MLLT3: variants seen among roughly 807,000 people sequenced by gnomAD.
MLLT3 encodes protein AF-9.
Under a neutral mutation model 53.2 loss-of-function variants are expected in MLLT3, and 4 were observed. The observed-to-expected ratio is 0.08, with a 90% CI of 0.04 to 0.17. The LOEUF is 0.17. Among genes scored for constraint, MLLT3 ranks in the 10% least tolerant of loss-of-function variants. The probability of loss-of-function intolerance (pLI) is 1.00; values close to 1 mark genes in which losing one functional copy is unlikely to be tolerated. For missense variants in MLLT3, 569 were observed against 684.0 expected (o/e 0.83, Z 1.87); for synonymous variants, 283 against 230.6 (o/e 1.23, Z -2.06).
chr9:20,417,229 G>T lies in MLLT3; in HGVS notation c.421-2804C>A, dbSNP rs554502064. Reference sequence around the variant, plus strand: ...TATATATATGGGGGTCTTGTCACCAGTCTCCATGTTTGTACATGTAATAAA... The same window carrying T: ...TATATATATGGGGGTCTTGTCACCATTCTCCATGTTTGTACATGTAATAAA... On this transcript the variant is annotated intron_variant, in intron 4 of 10. Transcript: ENST00000380338. 5.5e-3 allele frequency among the ~76,000 whole-genome samples: 813 copies of T among 146,508 alleles called. 12 individuals carry two copies. Among genetic ancestry groups the T allele is most frequent in the African/African-American group, 0.019 (779 of 40,240 alleles).
chr9:20,381,395 A>G lies in MLLT3; in HGVS notation c.1126-15651T>C, dbSNP rs1485292461. Reference sequence around the variant, plus strand: ...CGCTTTCCGATATTCCAAATATAAAACTCCATAACTGTTATATTTCTCTAG... The same window carrying G: ...CGCTTTCCGATATTCCAAATATAAAGCTCCATAACTGTTATATTTCTCTAG... On this transcript the variant is annotated intron_variant, in intron 5 of 10. Coordinates refer to ENST00000380338, the MANE Select transcript of MLLT3 (RefSeq NM_004529.4). 3.3e-5 allele frequency among the ~76,000 whole-genome samples: 5 copies of G among 151,864 alleles called. No individual in the cohort carries two copies. The East Asian group carries it at 9.6e-4, about 29-fold the overall frequency.
chr9:20,344,698 A>C lies in MLLT3; in HGVS notation c.*1745T>G, dbSNP rs762695410. ...TTTAAAGGAAAAATAGTTTCTTTGG[A>C]TAGAAAGAAACAGTGTAAAAAATCC... On this transcript the variant is annotated 3_prime_UTR_variant, in exon 11 of 11. Transcript: ENST00000380338. 4.8e-6 allele frequency: 1 copy of C among 206,742 alleles called. No homozygotes were observed. Among genetic ancestry groups the C allele is most frequent in the Non-Finnish European group, 9.9e-6 (1 of 101,218 alleles). The allele number at this position is 206,742 out of a possible 1,614,324, so 12.8% of individuals were successfully genotyped here.
chr9:20,405,632 C>A (rs10964552), intron 5 of MLLT3, among the ~76,000 whole-genome samples: 26,433 of 152,142 alleles, frequency 0.17, 2,412 homozygotes, highest in African/African-American at 0.21. Context: ...GAGTCCCACA[C>A]AGGTCTACCA....
At chr9:20,442,101 A>G (rs78598720) in intron 4 of MLLT3, among the ~76,000 whole-genome samples, 187 of 152,292 alleles carry the variant, frequency 1.2e-3, no homozygotes, top group African/African-American at 4.4e-3. Flanking sequence ...TGGTCTTTGA[A>G]AGGAAATGAA....
intron 2 of MLLT3, among the ~76,000 whole-genome samples, chr9:20,529,839 A>G (rs1363557699): frequency 6.7e-6 from 1 of 149,180 alleles, no homozygotes; most frequent in Non-Finnish European, 1.5e-5. Flanking sequence ...CAAAGCTGAC[A>G]GGCATGAGCC....
At chr9:20,348,827 T>C (rs552273775) in intron 10 of MLLT3, among the ~76,000 whole-genome samples, 87 of 152,312 alleles carry the variant, frequency 5.7e-4, no homozygotes, top group Admixed American at 2.6e-3. Context: ...TCCACACATA[T>C]CCACACACAT....
In MLLT3 at chr9:20,621,880, G is replaced by C; in HGVS notation, c.12+365C>G. On this transcript the variant is annotated intron_variant, in intron 1 of 10. Transcript: ENST00000380338. The surrounding 1 kb of genome is among the most constrained non-coding windows in gnomAD (Gnocchi z 7.0). ...GCGGCGGCGGCTGAAATATGGCTGA[G>C]TTATTATTCGCCTCCTTCCACCGTG... is the stretch of plus-strand genomic sequence containing the variant. 1 of 1,369,754 alleles carries C rather than the reference G, an allele frequency of 7.3e-7. No individual in the cohort carries two copies. The highest frequency in any genetic ancestry group is 9.3e-7 in the Non-Finnish European group (1 of 1,069,744). The allele number at this position is 1,369,754 out of a possible 1,614,324, so 84.9% of individuals were successfully genotyped here.
intron 2 of MLLT3, among the ~76,000 whole-genome samples, chr9:20,501,728 G>T (rs953832513): frequency 2.0e-4 from 29 of 143,956 alleles, no homozygotes; most frequent in Admixed American, 2.9e-4. Context: ...TCCGCAGTCC[G>T]GCCTGGGCGA....
At chr9:20,458,196 A>C (rs895468484) in intron 2 of MLLT3, among the ~76,000 whole-genome samples, 5 of 152,172 alleles carry the variant, frequency 3.3e-5, no homozygotes, top group African/African-American at 9.6e-5. Flanking sequence ...TATCCTCCCA[A>C]AAAGTTAACT....
At chr9:20,531,876 T>C (rs1818347033) in intron 2 of MLLT3, among the ~76,000 whole-genome samples, 1 of 152,150 alleles carries the variant, frequency 6.6e-6, no homozygotes. Flanking sequence ...CAGGAATAAA[T>C]ATTTGTTATT....
chr9:20,606,515 A>C (rs902401717), intron 2 of MLLT3, among the ~76,000 whole-genome samples: 3 of 152,166 alleles, frequency 2.0e-5, no homozygotes, highest in African/African-American at 7.2e-5. Flanking sequence ...CAGGCTACAA[A>C]GTACTTTTAT....
intron 5 of MLLT3, among the ~76,000 whole-genome samples, chr9:20,386,627 C>A (rs1030672775): frequency 6.6e-6 from 1 of 152,134 alleles, no homozygotes; most frequent in African/African-American, 2.4e-5. Context: ...CCCATGGATG[C>A]CCCAAACTCC....
rs186678277 is a variant in MLLT3 at position 20,550,666 on chromosome 9, T to G, written c.193+69988A>C. Reference sequence around the variant, plus strand: ...AACTTCCTCGGCCTCTTTAAAATGTTGGGATTACAGGCATGAGCCACTGTG... The same window carrying G: ...AACTTCCTCGGCCTCTTTAAAATGTGGGGATTACAGGCATGAGCCACTGTG... On this transcript the variant is annotated intron_variant, in intron 2 of 10. Transcript: ENST00000380338. 2.0e-5 allele frequency among the ~76,000 whole-genome samples: 3 copies of G among 152,340 alleles called. No individual in the cohort carries two copies. In the East Asian group the frequency reaches 5.8e-4, roughly 29 times the overall value.
At chr9:20,549,030 G>A (rs1226073812) in intron 2 of MLLT3, among the ~76,000 whole-genome samples, 1 of 152,030 alleles carries the variant, frequency 6.6e-6, no homozygotes, top group African/African-American at 2.4e-5. Context: ...GCCCAGGTGG[G>A]TCCCGAACTC....
chr9:20,478,980 G>C (rs531167100), intron 2 of MLLT3, among the ~76,000 whole-genome samples: 3 of 152,112 alleles, frequency 2.0e-5, no homozygotes, highest in African/African-American at 7.2e-5. Flanking sequence ...CAAAGAATGA[G>C]ATTGACAGGA....
intron 2 of MLLT3, among the ~76,000 whole-genome samples, chr9:20,599,671 G>A (rs1325119035): frequency 1.3e-5 from 2 of 152,130 alleles, no homozygotes; most frequent in East Asian, 1.9e-4. Flanking sequence ...AAAGGCCTGA[G>A]TTTAAATCTT....
intron 4 of MLLT3, among the ~76,000 whole-genome samples, chr9:20,423,917 C>T (rs1461969861): frequency 6.6e-6 from 1 of 151,946 alleles, no homozygotes; most frequent in African/African-American, 2.4e-5. Flanking sequence ...GCCTGAGCAA[C>T]AGAGCAAGAC....
At chr9:20,399,169 C>G (rs1204054714) in intron 5 of MLLT3, among the ~76,000 whole-genome samples, 1 of 152,132 alleles carries the variant, frequency 6.6e-6, no homozygotes, top group African/African-American at 2.4e-5. Flanking sequence ...ACAGGGAGTT[C>G]TCTCACTCAT....
Position 20,417,332 on chromosome 9 carries a change from G to T in MLLT3, c.421-2907C>A, listed in dbSNP as rs192059848. Among the ~76,000 whole-genome samples the T allele has an allele frequency of 1.5e-3, 224 of 147,506 alleles. 3 individuals carry two copies. Among genetic ancestry groups the T allele is most frequent in the Non-Finnish European group, 4.6e-4 (31 of 67,010 alleles). On this transcript the variant is annotated intron_variant, in intron 4 of 10. Coordinates refer to ENST00000380338, the MANE Select transcript of MLLT3 (RefSeq NM_004529.4). Reference sequence around the variant, plus strand: ...GATTAAAAGCTTTCGCTGATTTTCAGCCTATCTGATATTTACATATATTAT... The same window carrying T: ...GATTAAAAGCTTTCGCTGATTTTCATCCTATCTGATATTTACATATATTAT...
Sources: gnomAD v4.1 joint callset for allele counts (sites outside exome capture counted in the v4.1 genomes callset) on GRCh38, gnomAD v4.1.1 for gene constraint, Gnocchi (gnomAD v3.1) non-coding constraint, MANE v1.5 for transcripts, NCBI Gene and HGNC (gene_info 2026-07-23, HGNC 2026-07-21) for gene names.